The following EPB41L3 variants were observed in gnomAD, a reference collection of about 807,000 sequenced individuals.
EPB41L3 encodes erythrocyte membrane protein band 4.1 like 3, also known as band 4.1-like protein 3.
EPB41L3 carries 57 observed loss-of-function variants against 127.1 expected under a neutral mutation model. That is an observed-to-expected ratio of 0.45 (90% CI 0.36 to 0.56). The LOEUF is 0.56. Ranked by LOEUF, EPB41L3 falls within the 20% of genes least tolerant of loss-of-function variation. EPB41L3 has a pLI of 0.00. For missense variants in EPB41L3, 1,273 were observed against 1,372.2 expected (o/e 0.93, Z 1.14); for synonymous variants, 572 against 549.5 (o/e 1.04, Z -0.57).
chr18:5,603,743 T>C (rs2094615295), intron 3 of EPB41L3, among the ~76,000 whole-genome samples: 1 of 152,060 alleles, frequency 6.6e-6, no homozygotes, highest in Admixed American at 6.6e-5. Flanking sequence ...TAGCCTGGCA[T>C]GGTGGTACGT....
intron 3 of EPB41L3, among the ~76,000 whole-genome samples, chr18:5,477,083 A>G (rs2087387165): frequency 6.6e-6 from 1 of 152,194 alleles, no homozygotes; most frequent in African/African-American, 2.4e-5. Flanking sequence ...TCTCATCCCC[A>G]TCCTAAATGA....
At chr18:5,494,397 C>T (rs2090939368) in intron 1 of EPB41L3, among the ~76,000 whole-genome samples, 1 of 152,216 alleles carries the variant, frequency 6.6e-6, no homozygotes, top group African/African-American at 2.4e-5. Flanking sequence ...GTGGCTCACG[C>T]CTGTAATCCC....
intron 3 of EPB41L3, among the ~76,000 whole-genome samples, chr18:5,566,138 T>C (rs1171143974): frequency 6.6e-6 from 1 of 152,018 alleles, no homozygotes; most frequent in Non-Finnish European, 1.5e-5. Flanking sequence ...GAGAAGGAAA[T>C]AAAGGGTATT....
At chr18:5,576,133 G>A (rs575836433) in intron 3 of EPB41L3, among the ~76,000 whole-genome samples, 1 of 152,180 alleles carries the variant, frequency 6.6e-6, no homozygotes, top group Non-Finnish European at 1.5e-5. Context: ...ATTATGGAAA[G>A]TAATTTTTAT....
chr18:5,628,653 C>G (rs2094951354), intron 1 of EPB41L3, among the ~76,000 whole-genome samples: 1 of 152,242 alleles, frequency 6.6e-6, no homozygotes, highest in Non-Finnish European at 1.5e-5. Context: ...CCCGAGCGAG[C>G]CCAGGCGGCG....
At chr18:5,521,636 T>C (rs1344943294) in intron 1 of EPB41L3, among the ~76,000 whole-genome samples, 1 of 152,220 alleles carries the variant, frequency 6.6e-6, no homozygotes, top group East Asian at 1.9e-4. Context: ...CCATATGTTG[T>C]TGGACAAATC....
chr18:5,573,540 T>A (rs905642407), intron 3 of EPB41L3, among the ~76,000 whole-genome samples: 3 of 152,166 alleles, frequency 2.0e-5, no homozygotes, highest in African/African-American at 7.2e-5. Flanking sequence ...TAACATTTAC[T>A]CATATATGTA....
intron 8 of EPB41L3, among the ~76,000 whole-genome samples, chr18:5,431,871 A>T (rs192917819): frequency 5.3e-5 from 8 of 152,336 alleles, no homozygotes; most frequent in African/African-American, 1.9e-4. Flanking sequence ...CATATAATAG[A>T]AAACATCTTT....
At chr18:5,476,402 T>TA (rs1465780467) in intron 3 of EPB41L3, among the ~76,000 whole-genome samples, 1 of 152,130 alleles carries the variant, frequency 6.6e-6, no homozygotes, top group East Asian at 1.9e-4. Context: ...GAAAGGTAAG[T>TA]AAAAAATAAA....
At chr18:5,582,579 A>C (rs917454300) in intron 3 of EPB41L3, among the ~76,000 whole-genome samples, 9 of 152,190 alleles carry the variant, frequency 5.9e-5, no homozygotes, top group Admixed American at 2.0e-4. Flanking sequence ...ATTACAAATG[A>C]AACTTGGTAT....
At chr18:5,582,104 A>T (rs1357664995) in intron 3 of EPB41L3, among the ~76,000 whole-genome samples, 1 of 152,254 alleles carries the variant, frequency 6.6e-6, no homozygotes, top group Non-Finnish European at 1.5e-5. Context: ...AACTAGAAAC[A>T]TTTGTTTTAT....
chr18:5,627,088 G>A (rs1054005625), intron 1 of EPB41L3, among the ~76,000 whole-genome samples: 4 of 152,150 alleles, frequency 2.6e-5, no homozygotes, highest in African/African-American at 9.7e-5. Flanking sequence ...GTCTGTTTAC[G>A]CAGTGCTCCA....
At chr18:5,447,697 C>T (rs1292592408) in intron 3 of EPB41L3, among the ~76,000 whole-genome samples, 1 of 152,034 alleles carries the variant, frequency 6.6e-6, no homozygotes, top group South Asian at 2.1e-4. Flanking sequence ...AGTTCCAATT[C>T]GCCACTTTCT....
chr18:5,561,944 A>T (rs1309272154), intron 3 of EPB41L3, among the ~76,000 whole-genome samples: 2 of 152,214 alleles, frequency 1.3e-5, no homozygotes, highest in African/African-American at 4.8e-5. Context: ...ATTAAGGGAC[A>T]TTCTACGAAA....
chr18:5,476,631 A>T (rs7241997), intron 3 of EPB41L3, among the ~76,000 whole-genome samples: 96,092 of 151,472 alleles, frequency 0.63, 30,940 homozygotes, highest in East Asian at 0.8. Flanking sequence ...ATAAATGCAA[A>T]AAATAGAAAG....
chr18:5,503,616 G>A (rs2091922495), intron 1 of EPB41L3, among the ~76,000 whole-genome samples: 2 of 152,154 alleles, frequency 1.3e-5, no homozygotes, highest in African/African-American at 4.8e-5. Context: ...GCCAACCACT[G>A]GCCCCTCTCC....
At chr18:5,629,315 T>C (rs931475641), upstream of EPB41L3, among the ~76,000 whole-genome samples, 1 of 151,616 alleles carries the variant, frequency 6.6e-6, no homozygotes, top group Non-Finnish European at 1.5e-5. Flanking sequence ...TGCGCGCAGC[T>C]GGCGGCGAGG....
intron 3 of EPB41L3, chr18:5,577,446 G>T (rs2094347378): frequency 2.5e-6 from 1 of 400,388 alleles, no homozygotes; most frequent in Non-Finnish European, 4.9e-6. Flanking sequence ...ATTCCTCCAG[G>T]AATATTCTCT....
intron 16 of EPB41L3, chr18:5,400,668 A>G: frequency 2.1e-6 from 1 of 479,788 alleles, no homozygotes; most frequent in South Asian, 1.7e-5. Flanking sequence ...ACGACTCTAC[A>G]GGTAAAAACA....
Sources: allele counts gnomAD v4.1 joint callset (sites outside exome capture counted in the v4.1 genomes callset), GRCh38; gene constraint gnomAD v4.1.1; transcripts MANE v1.5; gene names NCBI Gene and HGNC (gene_info 2026-07-23, HGNC 2026-07-21).